The following SGCD variants were observed in gnomAD, a reference collection of about 807,000 sequenced individuals.
SGCD encodes the protein delta-sarcoglycan.
A neutral mutation model predicts 36.6 loss-of-function variants in SGCD; 18 were observed. The ratio of observed to expected loss-of-function variants is 0.49; its 90% confidence interval spans 0.34 to 0.73. The LOEUF (loss-of-function observed/expected upper bound fraction) is 0.73, where lower values mean the gene tolerates loss of function less well. SGCD is among the 30% of genes least tolerant of loss of function. The pLI is 0.01. For missense variants in SGCD, 387 were observed against 346.7 expected (o/e 1.12, Z -0.92); for synonymous variants, 133 against 130.6 (o/e 1.02, Z -0.12).
chr5:156,671,465 G>C (rs984921681), intron 7 of SGCD, among the ~76,000 whole-genome samples: 1 of 151,876 alleles, frequency 6.6e-6, no homozygotes, highest in African/African-American at 2.4e-5. Context: ...GGAGAGAAGG[G>C]GTTTCACCAT....
chr5:156,681,956 GTTTA>G (rs1753739301), intron 7 of SGCD, among the ~76,000 whole-genome samples: 1 of 152,170 alleles, frequency 6.6e-6, no homozygotes, highest in Non-Finnish European at 1.5e-5. Flanking sequence ...CTCAGCAGGC[GTTTA>G]TTTAATTGAG....
At chr5:155,914,810 A>G (rs1006885702) in intron 1 of SGCD, among the ~76,000 whole-genome samples, 6 of 152,182 alleles carry the variant, frequency 3.9e-5, no homozygotes, top group African/African-American at 1.4e-4. Context: ...TGTTAATGCT[A>G]TTACCCAGCA....
At chr5:156,152,732 T>TA (rs988114630) in intron 3 of SGCD, among the ~76,000 whole-genome samples, 2 of 151,672 alleles carry the variant, frequency 1.3e-5, no homozygotes, top group Non-Finnish European at 2.9e-5. Flanking sequence ...CTAGAAAGTT[T>TA]AAAAAATGTG....
At chr5:156,118,207 C>T (rs1761949321) in intron 2 of SGCD, among the ~76,000 whole-genome samples, 1 of 152,010 alleles carries the variant, frequency 6.6e-6, no homozygotes. Flanking sequence ...TAGCATGCTG[C>T]CCTGAGAATT....
intron 7 of SGCD, among the ~76,000 whole-genome samples, chr5:156,653,321 G>A (rs1213136200): frequency 6.6e-6 from 1 of 151,812 alleles, no homozygotes; most frequent in Non-Finnish European, 1.5e-5. Flanking sequence ...TTCAACCTTG[G>A]GAGGTTGTGT....
chr5:155,801,392 A>G, the SGCD span, among the ~76,000 whole-genome samples: 1 of 152,176 alleles, frequency 6.6e-6, no homozygotes, highest in Non-Finnish European at 1.5e-5. Flanking sequence ...AGGGAGACTC[A>G]GCATTCTCAA....
chr5:156,313,385 T>C (rs1767440471), intron 3 of SGCD, among the ~76,000 whole-genome samples: 2 of 152,152 alleles, frequency 1.3e-5, no homozygotes, highest in South Asian at 4.1e-4. Context: ...TTTCTGCTTT[T>C]TCTCTGGAAG....
At chr5:155,945,469 A>G (rs1045763407) in intron 1 of SGCD, among the ~76,000 whole-genome samples, 9 of 152,208 alleles carry the variant, frequency 5.9e-5, no homozygotes, top group Non-Finnish European at 1.3e-4. Context: ...ACAAAGACCA[A>G]GTAAAAACAT....
chr5:156,093,502 A>G (rs1761298203), intron 1 of SGCD, among the ~76,000 whole-genome samples: 1 of 152,236 alleles, frequency 6.6e-6, no homozygotes. Flanking sequence ...AAGAATTCAG[A>G]GGGATCCTCA....
In SGCD at chr5:155,955,514, G is replaced by A. The variant is rs79418965; in HGVS notation, c.-282+85090G>A. Among the ~76,000 whole-genome samples, 9 of 152,176 alleles carry A rather than the reference G, an allele frequency of 5.9e-5. No homozygotes were observed. The East Asian group carries it at 1.5e-3, about 26-fold the overall frequency. On this transcript the variant is annotated intron_variant, in intron 1 of 9. Transcript: ENST00000517913. ...TATCTATGCAAACACTTGATTGCAG[G>A]CTATATTGGAGACACTTTTATCTTT...
At chr5:156,142,553 C>T (rs533400598) in intron 3 of SGCD, among the ~76,000 whole-genome samples, 7 of 152,190 alleles carry the variant, frequency 4.6e-5, no homozygotes, top group South Asian at 2.1e-4. Flanking sequence ...ATATTGACAG[C>T]GAAGTCCAGG....
chr5:156,705,734 T>C (rs946626337), intron 7 of SGCD, among the ~76,000 whole-genome samples: 1 of 152,174 alleles, frequency 6.6e-6, no homozygotes, highest in East Asian at 1.9e-4. Context: ...TGATTCTGCC[T>C]AGACATTGCA....
chr5:156,234,733 A>G lies in SGCD; in HGVS notation c.-43-94801A>G, dbSNP rs30274. On this transcript the variant is annotated intron_variant, in intron 3 of 9. Transcript: ENST00000517913. ...GCTGGAAAACTTAAAAGAACTTATA[A>G]TTTTCTGCTGGGTTTAGACCCTAGG... 4.6e-5 allele frequency among the ~76,000 whole-genome samples: 7 copies of G among 151,976 alleles called. No individual in the cohort carries two copies. In the East Asian group the frequency reaches 1.2e-3, roughly 25 times the overall value.
intron 1 of SGCD, among the ~76,000 whole-genome samples, chr5:155,989,250 A>C (rs1051741416): frequency 3.9e-5 from 6 of 152,184 alleles, no homozygotes; most frequent in African/African-American, 1.4e-4. Flanking sequence ...CTGCCATTGC[A>C]GTATCAACAC....
intron 1 of SGCD, among the ~76,000 whole-genome samples, chr5:156,009,644 T>G (rs779657851): frequency 2.0e-5 from 3 of 152,224 alleles, no homozygotes; most frequent in Non-Finnish European, 4.4e-5. Flanking sequence ...AATCAGGTTA[T>G]GGCTGGCCCA....
chr5:155,935,583 C>T (rs1384004468), intron 1 of SGCD, among the ~76,000 whole-genome samples: 1 of 152,216 alleles, frequency 6.6e-6, no homozygotes, highest in Non-Finnish European at 1.5e-5. Context: ...CCTTAAGAAA[C>T]AGCCAGTTAA....
the SGCD span, among the ~76,000 whole-genome samples, chr5:155,788,869 G>T: frequency 6.6e-4 from 101 of 152,196 alleles, 1 homozygote; most frequent in South Asian, 4.6e-3. Flanking sequence ...CGATTTTAAT[G>T]GGCAGAGAAT....
At chr5:155,736,960 T>C in the SGCD span, among the ~76,000 whole-genome samples, 6,598 of 152,204 alleles carry the variant, frequency 0.043, 296 homozygotes, top group African/African-American at 0.11. Flanking sequence ...GGAGGAAAAG[T>C]GAGTGCTCTT....
chr5:155,825,500 A>C, the SGCD span, among the ~76,000 whole-genome samples: 1 of 152,216 alleles, frequency 6.6e-6, no homozygotes, highest in Admixed American at 6.5e-5. Context: ...TCTTTGGATT[A>C]GACTGTGTGC....
Sources: allele counts gnomAD v4.1 joint callset (sites outside exome capture counted in the v4.1 genomes callset), GRCh38; gene constraint gnomAD v4.1.1; transcripts MANE v1.5; gene names NCBI Gene and HGNC (gene_info 2026-07-23, HGNC 2026-07-21).